The following CNTNAP2 variants were observed in gnomAD, a reference collection of about 807,000 sequenced individuals.
The protein encoded by CNTNAP2 is contactin-associated protein-like 2.
In CNTNAP2, 98 loss-of-function variants were observed where a neutral mutation model predicts 155.2. That is an observed-to-expected ratio of 0.63 (90% CI 0.54 to 0.75). The LOEUF is 0.75. Among genes scored for constraint, CNTNAP2 ranks in the 30% least tolerant of loss-of-function variants. The probability of loss-of-function intolerance (pLI) is 0.00; values close to 1 mark genes in which losing one functional copy is unlikely to be tolerated. For synonymous variants in CNTNAP2, 651 were observed against 631.2 expected (o/e 1.03, Z -0.47); for missense variants, 1,727 against 1,688.1 (o/e 1.02, Z -0.40).
intron 1 of CNTNAP2, among the ~76,000 whole-genome samples, chr7:146,224,652 C>T (rs1246711569): frequency 6.6e-6 from 1 of 151,638 alleles, no homozygotes; most frequent in Non-Finnish European, 1.5e-5. Context: ...GCCTGTAGTC[C>T]CAGCTACTCA....
intron 1 of CNTNAP2, among the ~76,000 whole-genome samples, chr7:146,689,346 GTTA>G (rs1800658093): frequency 6.6e-6 from 1 of 151,784 alleles, no homozygotes; most frequent in South Asian, 2.1e-4. Flanking sequence ...CATTTGTATT[GTTA>G]TTATAAATAT....
intron 13 of CNTNAP2, among the ~76,000 whole-genome samples, chr7:147,762,799 A>C (rs1268641457): frequency 6.6e-6 from 1 of 150,420 alleles, no homozygotes; most frequent in Non-Finnish European, 1.5e-5. Flanking sequence ...AAGAGGAGGA[A>C]GGGAAGGAAG....
At chr7:148,332,179 A>AAC (rs1798039408) in intron 21 of CNTNAP2, among the ~76,000 whole-genome samples, 1 of 151,384 alleles carries the variant, frequency 6.6e-6, no homozygotes. Flanking sequence ...AAAAAAAAAA[A>AAC]AACCTATAAA....
intron 9 of CNTNAP2, among the ~76,000 whole-genome samples, chr7:147,344,958 A>G (rs1008287577): frequency 1.4e-4 from 21 of 152,234 alleles, no homozygotes; most frequent in African/African-American, 4.8e-4. Context: ...TACTATAATT[A>G]AAGTAACAAA....
chr7:148,226,633 AG>A (rs1000431743), intron 19 of CNTNAP2, among the ~76,000 whole-genome samples: 1 of 85,336 alleles, frequency 1.2e-5, no homozygotes, highest in Non-Finnish European at 2.7e-5. Context: ...TCAACTGGAA[AG>A]GGGAAAAAAA....
intron 15 of CNTNAP2, among the ~76,000 whole-genome samples, chr7:148,067,516 G>A (rs1803290693): frequency 6.6e-6 from 1 of 152,240 alleles, no homozygotes; most frequent in African/African-American, 2.4e-5. Flanking sequence ...GGGAAGTGAG[G>A]TAGACTGTGT....
chr7:148,022,941 TGCCTG>T (rs1329274308), intron 15 of CNTNAP2, among the ~76,000 whole-genome samples: 3 of 152,194 alleles, frequency 2.0e-5, no homozygotes, highest in African/African-American at 7.2e-5. Context: ...CCTGTGACAC[TGCCTG>T]TACAGCACCG....
At chr7:147,534,189 G>T (rs1001308617) in intron 11 of CNTNAP2, among the ~76,000 whole-genome samples, 3 of 152,136 alleles carry the variant, frequency 2.0e-5, no homozygotes, top group Admixed American at 6.5e-5. Context: ...CATTTGGTTG[G>T]GGTTGCTATG....
chr7:147,626,106 A>C, intron 12 of CNTNAP2, among the ~76,000 whole-genome samples: 1 of 152,078 alleles, frequency 6.6e-6, no homozygotes, highest in East Asian at 1.9e-4. Context: ...TCACAGTGCA[A>C]AGGAAACTCT....
chr7:147,891,056 A>G (rs966036471), intron 13 of CNTNAP2, among the ~76,000 whole-genome samples: 1 of 152,222 alleles, frequency 6.6e-6, no homozygotes, highest in Non-Finnish European at 1.5e-5. Context: ...TTTAATTTTT[A>G]TAGATCAATT....
chr7:147,470,057 G>A (rs962739797), intron 10 of CNTNAP2, among the ~76,000 whole-genome samples: 1 of 152,150 alleles, frequency 6.6e-6, no homozygotes, highest in African/African-American at 2.4e-5. Context: ...GAGGTGGGGT[G>A]GAGTGCATGT....
intron 4 of CNTNAP2, among the ~76,000 whole-genome samples, chr7:147,096,357 A>G (rs1185942348): frequency 6.6e-6 from 1 of 152,252 alleles, no homozygotes; most frequent in East Asian, 1.9e-4. Flanking sequence ...GAATAACACC[A>G]GCATTCCTGC....
intron 8 of CNTNAP2, among the ~76,000 whole-genome samples, chr7:147,266,361 C>G (rs773059538): frequency 6.6e-6 from 1 of 152,160 alleles, no homozygotes; most frequent in Non-Finnish European, 1.5e-5. Flanking sequence ...CCATTGAGAC[C>G]ACATCTTTTT....
intron 11 of CNTNAP2, among the ~76,000 whole-genome samples, chr7:147,505,316 T>C (rs1240056969): frequency 6.8e-6 from 1 of 148,030 alleles, no homozygotes; most frequent in Non-Finnish European, 1.5e-5. Flanking sequence ...AATTCTATTA[T>C]TTTGTAACTT....
chr7:147,079,513 G>A (rs1441516757), intron 4 of CNTNAP2, among the ~76,000 whole-genome samples: 1 of 151,794 alleles, frequency 6.6e-6, no homozygotes, highest in Admixed American at 6.6e-5. Context: ...GTTAATGGTT[G>A]CGGCACACCA....
At chr7:146,420,568 T>C (rs969245012) in intron 1 of CNTNAP2, among the ~76,000 whole-genome samples, 1 of 152,104 alleles carries the variant, frequency 6.6e-6, no homozygotes, top group Non-Finnish European at 1.5e-5. Context: ...GCAGTACACC[T>C]GCAAGAAGAC....
At chr7:147,529,550 TG>T (rs977721905) in intron 11 of CNTNAP2, among the ~76,000 whole-genome samples, 1 of 152,098 alleles carries the variant, frequency 6.6e-6, no homozygotes, top group Non-Finnish European at 1.5e-5. Context: ...GTTTTTTTTT[TG>T]GTTTCTATTT....
At chr7:146,834,051 GT>G (rs2129199239) in intron 2 of CNTNAP2, among the ~76,000 whole-genome samples, 1 of 152,112 alleles carries the variant, frequency 6.6e-6, no homozygotes, top group South Asian at 2.1e-4. Context: ...TTCTCAGCCA[GT>G]TATTAAAGGT....
At chr7:147,147,195 A>G (rs1465060327) in intron 8 of CNTNAP2, among the ~76,000 whole-genome samples, 1 of 152,116 alleles carries the variant, frequency 6.6e-6, no homozygotes, top group South Asian at 2.1e-4. Flanking sequence ...TAAAACCATC[A>G]TATCTCATGA....
Sources: allele counts gnomAD v4.1 joint callset (sites outside exome capture counted in the v4.1 genomes callset), GRCh38; gene constraint gnomAD v4.1.1; transcripts MANE v1.5; gene names NCBI Gene and HGNC (gene_info 2026-07-23, HGNC 2026-07-21).